The following MYH10 variants were observed in gnomAD, a reference collection of about 807,000 sequenced individuals.
MYH10 encodes myosin heavy chain 10.
Under a neutral mutation model 257.8 loss-of-function variants are expected in MYH10, and 55 were observed. The observed-to-expected ratio is 0.21, with a 90% CI of 0.17 to 0.27. The LOEUF (loss-of-function observed/expected upper bound fraction) is 0.27, where lower values mean the gene tolerates loss of function less well. Among genes scored for constraint, MYH10 ranks in the 10% least tolerant of loss-of-function variants. MYH10 has a pLI of 1.00. For synonymous variants in MYH10, 854 were observed against 921.7 expected, an observed-to-expected ratio of 0.93 and a Z score of 1.33; for missense variants, 1,631 against 2,500.6, an observed-to-expected ratio of 0.65 and a Z score of 7.42.
chr17:8,484,065 A>C (rs938500573), intron 37 of MYH10, 73 bp downstream of exon 37: 101 of 1,404,872 alleles, frequency 7.2e-5, no homozygotes, highest in Non-Finnish European at 9.5e-5. Flanking sequence ...AAATATATTA[A>C]CTTTTTTTTG....
At chr17:8,526,638 G>A (rs1316747030) in intron 17 of MYH10, among the ~76,000 whole-genome samples, 1 of 152,048 alleles carries the variant, frequency 6.6e-6, no homozygotes, top group African/African-American at 2.4e-5. Flanking sequence ...AGCTTTAAGA[G>A]AGAAAATGCA....
chr17:8,479,654 G>A (rs974999564), intron 40 of MYH10, among the ~76,000 whole-genome samples: 3 of 152,230 alleles, frequency 2.0e-5, no homozygotes, highest in African/African-American at 4.8e-5. Context: ...TAATATGCCT[G>A]CCAGCAGCTG....
chr17:8,540,441 T>C (rs755585965), intron 14 of MYH10, among the ~76,000 whole-genome samples: 54 of 152,246 alleles, frequency 3.5e-4, no homozygotes, highest in Admixed American at 1.0e-3. Context: ...TATTTTGTCC[T>C]AGAGGATAAA....
chr17:8,485,977 A>AGAGTG (rs1914694261), intron 36 of MYH10, among the ~76,000 whole-genome samples: 2 of 152,234 alleles, frequency 1.3e-5, no homozygotes, highest in Non-Finnish European at 2.9e-5. Flanking sequence ...TCCACACAGT[A>AGAGTG]GAGTGTTACT....
In MYH10 at chr17:8,545,962, C is replaced by T. The variant is rs1405684033; in HGVS notation, c.1279-362G>A. On this transcript the variant is annotated intron_variant, in intron 12 of 42. Coordinates refer to ENST00000360416, the MANE Select transcript of MYH10 (RefSeq NM_001256012.3). The surrounding 1 kb of genome is among the most constrained non-coding windows in gnomAD (Gnocchi z 4.7). ...GGGGCCCTTGTGTTGGTCTGGTTCCCGAAGTATGCAGATTTGTCTACTGGA... is the reference window on the plus strand; with the variant it reads ...GGGGCCCTTGTGTTGGTCTGGTTCCTGAAGTATGCAGATTTGTCTACTGGA... Among the ~76,000 whole-genome samples the T allele has an allele frequency of 1.3e-5, 2 of 151,940 alleles. No homozygotes were observed. The highest frequency in any genetic ancestry group is 2.4e-5 in the African/African-American group (1 of 41,334).
chr17:8,630,401 G>C (rs2085871528), intron 1 of MYH10, among the ~76,000 whole-genome samples: 1 of 151,752 alleles, frequency 6.6e-6, no homozygotes, highest in Non-Finnish European at 1.5e-5. Flanking sequence ...GCTCCTCCGG[G>C]AGTCTCTCCA....
chr17:8,517,086 A>G (rs1173283105), intron 21 of MYH10, among the ~76,000 whole-genome samples: 3 of 152,172 alleles, frequency 2.0e-5, no homozygotes, highest in Non-Finnish European at 4.4e-5. Flanking sequence ...GCTTGCAGTG[A>G]GCCGAGGTCG....
chr17:8,475,483 G>A lies in MYH10; in HGVS notation c.*321C>T, dbSNP rs988216141. On this transcript the variant is annotated 3_prime_UTR_variant, in exon 43 of 43. Transcript: ENST00000360416. Reference sequence around the variant, plus strand: ...CGCTGCCCCAATAACCCAGCGACCCGCAACCAAGGGCCTGGAGTTTGTTTT... The same window carrying A: ...CGCTGCCCCAATAACCCAGCGACCCACAACCAAGGGCCTGGAGTTTGTTTT... 7 of 234,010 alleles carry A rather than the reference G, an allele frequency of 3.0e-5. No homozygotes were observed. The highest frequency in any genetic ancestry group is 4.2e-5 in the Non-Finnish European group (5 of 118,830). The allele number at this position is 234,010 out of a possible 1,614,324, so 14.5% of individuals were successfully genotyped here. A position where few individuals can be genotyped will look rare whatever the true frequency, so the allele number is the denominator to read the frequency against.
At chr17:8,518,850 A>G in intron 20 of MYH10, 31 bp downstream of exon 20, 1 of 1,603,022 alleles carries the variant, frequency 6.2e-7, no homozygotes. Context: ...GATTAAATCT[A>G]CAAGCCAGAA....
At position 8,487,609 on chromosome 17, in the gene MYH10, C is replaced by T. The variant is rs367808744; in HGVS notation, c.4885-15G>A. The T allele has an allele frequency of 6.3e-5, 102 of 1,613,852 alleles. No homozygotes were observed. The East Asian group carries it at 6.9e-4, about 11-fold the overall frequency. On this transcript the variant is annotated splice_polypyrimidine_tract_variant and intron_variant, in intron 35 of 42. Coordinates refer to ENST00000360416, the MANE Select transcript of MYH10 (RefSeq NM_001256012.3). ...AGCTCCCGCACCTAATGGACAACAT[C>T]GGGTTATGCTGGGTTACATCCAAGT...
chr17:8,596,543 T>C (rs939338995), intron 3 of MYH10, among the ~76,000 whole-genome samples: 3 of 152,028 alleles, frequency 2.0e-5, no homozygotes, highest in Non-Finnish European at 4.4e-5. Context: ...AGGAAACTTG[T>C]ATCCAGTTTC....
intron 40 of MYH10, 145 bp from the exon 41 acceptor site, chr17:8,478,591 TGC>T: frequency 2.9e-6 from 2 of 695,558 alleles, no homozygotes; most frequent in Non-Finnish European, 4.9e-6. Context: ...ATGACTAATG[TGC>T]TGAAACCTTT....
At chr17:8,512,406 T>C (rs1331549046) in intron 24 of MYH10, 45 bp downstream of exon 24, 5 of 1,509,094 alleles carry the variant, frequency 3.3e-6, no homozygotes, top group Non-Finnish European at 3.6e-6. Context: ...ACAGATCCAC[T>C]TGAAAATCCA....
chr17:8,550,582 C>T (rs1320373048), intron 9 of MYH10, among the ~76,000 whole-genome samples: 19 of 151,944 alleles, frequency 1.3e-4, no homozygotes, highest in Non-Finnish European at 2.6e-4. Flanking sequence ...TCTGCCTGGC[C>T]GCCCCTACTG....
rs778990035 is a variant in MYH10 at position 8,475,902 on chromosome 17, G to T, written c.5926C>A (p.Gln1976Lys). Residue 1976 changes from glutamine (Q) to lysine (K), a missense_variant, in exon 43 of 43, where the codon CAG becomes AAG. Physicochemically the swap from Gln to Lys is moderately conservative, Grantham distance 53. Transcript: ENST00000360416. ...SFSSSRSGRRQLHLEGASLEL... is the reference protein window; with the variant it reads ...SFSSSRSGRRKLHLEGASLEL... ...AGGGAAGCTCCTTCAAGGTGCAGCT[G>T]GCGCCGGCCAGATCGGCTGGAAGAG... 4 of 1,614,190 alleles carry T rather than the reference G, an allele frequency of 2.5e-6. No individual in the cohort carries two copies. The East Asian group carries it at 6.7e-5, about 27-fold the overall frequency.
chr17:8,551,855 C>T (rs1184272073), intron 9 of MYH10, among the ~76,000 whole-genome samples, 191 bp downstream of exon 9: 2 of 151,858 alleles, frequency 1.3e-5, no homozygotes, highest in East Asian at 3.8e-4. Context: ...ATCTACAATA[C>T]CTGCCGCTTA....
At position 8,480,383 on chromosome 17, in the gene MYH10, G is replaced by C. The variant is rs371050697; in HGVS notation, c.5388+19C>G. 1 of 1,613,118 alleles carries C rather than the reference G, an allele frequency of 6.2e-7. No homozygotes were observed. Among genetic ancestry groups the C allele is most frequent in the Non-Finnish European group, 8.5e-7 (1 of 1,179,550 alleles). On this transcript the variant is annotated intron_variant, in intron 39 of 42. Coordinates refer to ENST00000360416, the MANE Select transcript of MYH10 (RefSeq NM_001256012.3). ...GGTGGCACAGCCCTCCCTGGGTGAC[G>C]GGCTCCTGCATGGGCCACCTGTAGA...
intron 2 of MYH10, among the ~76,000 whole-genome samples, chr17:8,607,190 G>C (rs961332282): frequency 3.9e-5 from 6 of 152,134 alleles, no homozygotes; most frequent in Non-Finnish European, 2.9e-5. Flanking sequence ...TGAGATCACA[G>C]TCTATAAGGA....
chr17:8,506,230 AG>A lies in MYH10; in HGVS notation c.3386+87del. 7.3e-7 allele frequency: 1 copy of A among 1,361,628 alleles called. No individual in the cohort carries two copies. The allele number at this position is 1,361,628 out of a possible 1,614,324, so 84.3% of individuals were successfully genotyped here. A position where few individuals can be genotyped will look rare whatever the true frequency, so the allele number is the denominator to read the frequency against. ...CAAGCAAACCCCATCTCACTCTCCC[AG>A]GGTTTTTGAATGCTCCCGAACATAA... On this transcript the variant is annotated intron_variant, in intron 27 of 42. Transcript: ENST00000360416. This position sits in a 1 kb window ranked among gnomAD's most constrained non-coding sequence, Gnocchi z 5.0.
Sources: allele counts gnomAD v4.1 joint callset (sites outside exome capture counted in the v4.1 genomes callset), GRCh38; gene constraint gnomAD v4.1.1; non-coding constraint Gnocchi (gnomAD v3.1); transcripts MANE v1.5; gene names NCBI Gene and HGNC (gene_info 2026-07-23, HGNC 2026-07-21).